Variants in TMEM117 observed in about 807,000 individuals in gnomAD.
The protein encoded by TMEM117 is transmembrane protein 117.
In TMEM117, 27 loss-of-function variants were observed where a neutral mutation model predicts 52.4. The observed-to-expected ratio is 0.51, with a 90% CI of 0.38 to 0.71. TMEM117 has a LOEUF of 0.71. Ranked by LOEUF, TMEM117 falls within the 30% of genes least tolerant of loss-of-function variation. The pLI, the probability that TMEM117 is intolerant of heterozygous loss-of-function variation, is 0.00. For synonymous variants in TMEM117, 215 were observed against 206.3 expected (o/e 1.04, Z -0.36); for missense variants, 556 against 630.5 (o/e 0.88, Z 1.26).
At chr12:44,129,019 A>T (rs759560698) in intron 3 of TMEM117, among the ~76,000 whole-genome samples, 12 of 152,042 alleles carry the variant, frequency 7.9e-5, no homozygotes, top group Non-Finnish European at 1.6e-4. Context: ...TGCCATTCTG[A>T]TTATTCTTCT....
chr12:44,035,350 TATTC>T (rs1278612179), intron 3 of TMEM117, among the ~76,000 whole-genome samples: 7 of 152,232 alleles, frequency 4.6e-5, no homozygotes, highest in Admixed American at 2.0e-4. Context: ...ATTATATCTT[TATTC>T]ATTCATTTAT....
At chr12:44,215,862 T>G (rs1296537796) in intron 5 of TMEM117, among the ~76,000 whole-genome samples, 1 of 152,070 alleles carries the variant, frequency 6.6e-6, no homozygotes, top group Non-Finnish European at 1.5e-5. Context: ...TAAGAGGATT[T>G]CACCTTTCTC....
intron 2 of TMEM117, among the ~76,000 whole-genome samples, chr12:43,918,602 T>C (rs1160146207): frequency 6.6e-6 from 1 of 152,226 alleles, no homozygotes; most frequent in African/African-American, 2.4e-5. Flanking sequence ...TCTGTAGGCC[T>C]TTTCTTTGAA....
intron 4 of TMEM117, 123 bp from the exon 5 acceptor site, chr12:44,211,167 A>C (rs1281403494): frequency 1.4e-6 from 1 of 691,886 alleles, no homozygotes; most frequent in Non-Finnish European, 2.4e-6. Flanking sequence ...TTGTTTCTGC[A>C]TATGTTATAA....
intron 3 of TMEM117, among the ~76,000 whole-genome samples, chr12:44,092,595 A>G (rs1947693030): frequency 1.3e-5 from 2 of 152,226 alleles, no homozygotes; most frequent in African/African-American, 2.4e-5. Context: ...GACTTTGCCA[A>G]TGGAATAGCT....
intron 7 of TMEM117, among the ~76,000 whole-genome samples, chr12:44,383,002 A>C (rs553252479): frequency 1.3e-5 from 2 of 152,276 alleles, no homozygotes; most frequent in South Asian, 4.1e-4. Flanking sequence ...GATACAGCAA[A>C]TTGCATATTT....
At chr12:43,920,884 A>T (rs1057022698) in intron 2 of TMEM117, among the ~76,000 whole-genome samples, 1 of 152,136 alleles carries the variant, frequency 6.6e-6, no homozygotes, top group Non-Finnish European at 1.5e-5. Flanking sequence ...AGATATTTGA[A>T]GTCTGTCACC....
chr12:44,301,429 G>C lies in TMEM117; in HGVS notation c.768+1690G>C, dbSNP rs184392671. Reference sequence around the variant, plus strand: ...TAACAATGTAAAATGTTAATAACATGCTGAAGTGTTCAGAGAGTAGTCAGA... The same window carrying C: ...TAACAATGTAAAATGTTAATAACATCCTGAAGTGTTCAGAGAGTAGTCAGA... On this transcript the variant is annotated intron_variant, in intron 6 of 7. Coordinates refer to ENST00000266534, the MANE Select transcript of TMEM117 (RefSeq NM_032256.3). 4.6e-5 allele frequency among the ~76,000 whole-genome samples: 7 copies of C among 152,240 alleles called. No homozygotes were observed. In the East Asian group the frequency reaches 1.4e-3, roughly 29 times the overall value.
the TMEM117 span, among the ~76,000 whole-genome samples, chr12:43,825,481 T>C: frequency 6.6e-6 from 1 of 152,276 alleles, no homozygotes; most frequent in Admixed American, 6.5e-5. Context: ...TCATTCTCTC[T>C]ATTCTCCTCA....
the TMEM117 span, among the ~76,000 whole-genome samples, chr12:43,820,463 C>T: frequency 6.6e-6 from 1 of 151,680 alleles, no homozygotes; most frequent in African/African-American, 2.4e-5. Context: ...TTAGTAGAGA[C>T]GAGGTTTCAC....
chr12:44,086,380 A>AT (rs202148791), intron 3 of TMEM117, among the ~76,000 whole-genome samples: 11 of 150,550 alleles, frequency 7.3e-5, no homozygotes, highest in East Asian at 2.0e-4. Context: ...CTCCCAGCTA[A>AT]TTTTTTTTTG....
intron 2 of TMEM117, among the ~76,000 whole-genome samples, chr12:43,901,379 C>T (rs1301324156): frequency 6.6e-6 from 1 of 152,046 alleles, no homozygotes; most frequent in Non-Finnish European, 1.5e-5. Flanking sequence ...AGCGTAATCT[C>T]GGCTCACTGC....
chr12:44,378,495 G>A (rs1460853796), intron 7 of TMEM117, among the ~76,000 whole-genome samples: 1 of 152,128 alleles, frequency 6.6e-6, no homozygotes, highest in Admixed American at 6.5e-5. Context: ...AAGCTTCAGT[G>A]TTATTAACTT....
the TMEM117 span, among the ~76,000 whole-genome samples, chr12:44,396,421 C>A: frequency 6.6e-6 from 1 of 151,946 alleles, no homozygotes; most frequent in Non-Finnish European, 1.5e-5. Context: ...ATCTGTGTCT[C>A]CTATTAGATT....
At chr12:44,137,237 C>T (rs895762576) in intron 3 of TMEM117, among the ~76,000 whole-genome samples, 2 of 151,806 alleles carry the variant, frequency 1.3e-5, no homozygotes, top group African/African-American at 4.8e-5. Context: ...TATGACAACA[C>T]TAGGGAAGCG....
At chr12:44,089,834 T>G (rs1159126726) in intron 3 of TMEM117, among the ~76,000 whole-genome samples, 2 of 152,308 alleles carry the variant, frequency 1.3e-5, no homozygotes, top group East Asian at 3.9e-4. Flanking sequence ...ATATTGAGTC[T>G]TCTTGTTGTA....
intron 2 of TMEM117, among the ~76,000 whole-genome samples, chr12:43,937,728 G>A (rs1944976145): frequency 6.6e-6 from 1 of 152,056 alleles, no homozygotes; most frequent in Admixed American, 6.5e-5. Context: ...TCATTTATTT[G>A]TATAGCCTTT....
chr12:44,052,437 T>A (rs776759356), intron 3 of TMEM117, among the ~76,000 whole-genome samples: 7 of 152,204 alleles, frequency 4.6e-5, no homozygotes, highest in Non-Finnish European at 8.8e-5. Context: ...GAAGTCATAA[T>A]TGAGTGTGGC....
In TMEM117 at chr12:43,889,916, G is replaced by A. The variant is rs144502904; in HGVS notation, c.277+44988G>A. ...AGGATAAGACAGAGGCACCAGTTCG[G>A]TTGCAATATAGTCACAACAGGGTCC... On this transcript the variant is annotated intron_variant, in intron 2 of 7. Transcript: ENST00000266534. Among the ~76,000 whole-genome samples the A allele has an allele frequency of 5.3e-5, 8 of 152,152 alleles. No homozygotes were observed. In the South Asian group the frequency reaches 1.5e-3, roughly 28 times the overall value.
Sources: gnomAD v4.1 joint callset for allele counts (sites outside exome capture counted in the v4.1 genomes callset) on GRCh38, gnomAD v4.1.1 for gene constraint, MANE v1.5 for transcripts, NCBI Gene and HGNC (gene_info 2026-07-23, HGNC 2026-07-21) for gene names.